DPP3: variants seen among roughly 807,000 people sequenced by gnomAD.
DPP3 encodes the protein DPP III.
In DPP3, 64 loss-of-function variants were observed where a neutral mutation model predicts 89.8. That is an observed-to-expected ratio of 0.71 (90% CI 0.58 to 0.88). The LOEUF (loss-of-function observed/expected upper bound fraction) is 0.88. Among genes scored for constraint, DPP3 ranks in the 40% least tolerant of loss-of-function variants. The probability of loss-of-function intolerance (pLI) is 0.00; values close to 1 mark genes in which losing one functional copy is unlikely to be tolerated. For synonymous variants in DPP3, 377 were observed against 404.3 expected, an observed-to-expected ratio of 0.93 and a Z score of 0.81; for missense variants, 835 against 972.5, an observed-to-expected ratio of 0.86 and a Z score of 1.88.
Position 66,482,394 on chromosome 11 carries a change from G to T in DPP3, c.194G>T (p.Arg65Leu), listed in dbSNP as rs202184719. Residue 65 changes from arginine (R) to leucine (L), a missense_variant, in exon 2 of 18, where the codon CGC becomes CTC. Coordinates refer to ENST00000531863, the MANE Select transcript of DPP3 (RefSeq NM_130443.4). Reference sequence around the variant, plus strand: ...CCCTACATCTATGCTCTGCTCAGCCGCCTCTTCCGCGCCCAGGACCCCGAC... The same window carrying T: ...CCCTACATCTATGCTCTGCTCAGCCTCCTCTTCCGCGCCCAGGACCCCGAC... ...EAPYIYALLS[R>L]LFRAQDPDQL... The T allele has an allele frequency of 3.1e-6, 5 of 1,610,994 alleles. No homozygotes were observed. The highest frequency in any genetic ancestry group is 1.3e-5 in the African/African-American group (1 of 74,908).
At chr11:66,506,677 T>G (rs11227502) in intron 17 of DPP3, among the ~76,000 whole-genome samples, 36,871 of 151,896 alleles carry the variant, frequency 0.24, 4,724 homozygotes, top group East Asian at 0.27. Flanking sequence ...TGTACTCCAG[T>G]CTCCCGACCT....
intron 17 of DPP3, among the ~76,000 whole-genome samples, chr11:66,507,115 C>T (rs545704806): frequency 1.2e-4 from 18 of 152,154 alleles, no homozygotes; most frequent in African/African-American, 2.4e-4. Context: ...ATGGGGGAGC[C>T]ACTAGGGATC....
intron 15 of DPP3, among the ~76,000 whole-genome samples, chr11:66,496,304 T>C (rs551424634): frequency 2.6e-5 from 4 of 152,336 alleles, no homozygotes; most frequent in Non-Finnish European, 4.4e-5. Context: ...TGGAGTGCAG[T>C]GGCCGGATCT....
chr11:66,505,695 T>G (rs957856765), intron 17 of DPP3, among the ~76,000 whole-genome samples: 6 of 150,538 alleles, frequency 4.0e-5, no homozygotes, highest in Non-Finnish European at 8.9e-5. Flanking sequence ...AAATTAAGAG[T>G]GGTTGAGTCA....
rs541325669 is a variant in DPP3 at position 66,486,604 on chromosome 11, G to A, written c.425G>A (p.Gly142Asp). The A allele has an allele frequency of 1.9e-6, 3 of 1,586,736 alleles. No homozygotes were observed. Among genetic ancestry groups the A allele is most frequent in the Admixed American group, 3.5e-5 (2 of 57,106 alleles). ...AAQQHPEEVR[G>D]LWQTCGELMF... is the part of the protein sequence containing the mutation. ...CAGCAGCACCCAGAAGAAGTCAGGG[G>A]CCTCTGGCAGACCTGCGGGGAGCTT... Residue 142 changes from glycine (G) to aspartate (D), a missense_variant, in exon 4 of 18, where the codon GGC becomes GAC. Transcript: ENST00000531863.
intron 16 of DPP3, 104 bp from the exon 17 acceptor site, chr11:66,504,508 C>T: frequency 7.5e-7 from 1 of 1,332,220 alleles, no homozygotes; most frequent in South Asian, 1.7e-5. Context: ...CAAACCATAG[C>T]ACAGACTGTC....
intron 15 of DPP3, among the ~76,000 whole-genome samples, chr11:66,496,614 C>T (rs948385357): frequency 1.3e-5 from 2 of 152,136 alleles, no homozygotes; most frequent in Non-Finnish European, 2.9e-5. Context: ...TGGGGTTTCA[C>T]CGTGTTAGCC....
intron 6 of DPP3, 45 bp from the exon 7 acceptor site, chr11:66,491,208 C>T (rs760745247): frequency 6.2e-7 from 1 of 1,610,474 alleles, no homozygotes; most frequent in Non-Finnish European, 8.5e-7. Flanking sequence ...TGAGTGAGGC[C>T]TCTTACTCCA....
intron 6 of DPP3, among the ~76,000 whole-genome samples, 194 bp downstream of exon 6, chr11:66,488,201 C>CT (rs767485646): frequency 1.3e-5 from 2 of 152,190 alleles, no homozygotes; most frequent in Non-Finnish European, 2.9e-5. Flanking sequence ...TCCCTGAGGG[C>CT]TGGCAAGGGA....
At chr11:66,482,039 C>A in intron 1 of DPP3, 154 bp from the exon 2 acceptor site, 1 of 1,160,744 alleles carries the variant, frequency 8.6e-7, no homozygotes, top group Non-Finnish European at 1.2e-6. Context: ...CTCACCTTCT[C>A]TAAGCCTCAG....
chr11:66,496,481 C>CT (rs1855539997), intron 15 of DPP3, among the ~76,000 whole-genome samples: 2 of 151,694 alleles, frequency 1.3e-5, no homozygotes, highest in Admixed American at 1.3e-4. Context: ...GTGGCACCAT[C>CT]TTGGCTCACT....
intron 16 of DPP3, among the ~76,000 whole-genome samples, chr11:66,498,022 T>C (rs1264530490): frequency 6.6e-6 from 1 of 151,558 alleles, no homozygotes; most frequent in Non-Finnish European, 1.5e-5. Context: ...TGTAACCTTC[T>C]CCTGGGTTCA....
intron 16 of DPP3, among the ~76,000 whole-genome samples, chr11:66,500,140 G>A (rs766097156): frequency 1.3e-5 from 2 of 152,118 alleles, no homozygotes; most frequent in African/African-American, 2.4e-5. Flanking sequence ...GATCACTTGA[G>A]GTAAGGAGTT....
At chr11:66,485,097 C>T (rs1395563283) in intron 2 of DPP3, 76 bp from the exon 3 acceptor site, 21 of 1,382,398 alleles carry the variant, frequency 1.5e-5, no homozygotes, top group East Asian at 9.2e-5. Flanking sequence ...CTGGGGCATT[C>T]GCATCTCAGG....
chr11:66,501,968 T>A (rs976875154), intron 16 of DPP3, among the ~76,000 whole-genome samples: 1 of 151,922 alleles, frequency 6.6e-6, no homozygotes, highest in Non-Finnish European at 1.5e-5. Flanking sequence ...GAGGCCAAGA[T>A]GGGCAGATCA....
chr11:66,499,833 G>T (rs1855635473), intron 16 of DPP3, among the ~76,000 whole-genome samples: 1 of 151,460 alleles, frequency 6.6e-6, no homozygotes, highest in African/African-American at 2.4e-5. Flanking sequence ...GCGTTATTTT[G>T]TTACAGGTGT....
rs769338453 is a variant in DPP3, at chr11:66,491,310, G to A, written c.725G>A (p.Ser242Asn). The A allele has an allele frequency of 6.2e-7, 1 of 1,614,050 alleles. No individual in the cohort carries two copies. The change falls in exon 7 of 18, where the codon AGC becomes AAC. Residue 242 changes from serine (S) to asparagine (N), a missense_variant. Transcript: ENST00000531863. ...SKLKSYEFRG[S>N]PFQVTRGDYA... ...CTGAAGAGCTATGAATTCCGGGGAA[G>A]CCCTTTCCAGGTGACCCGGGGGGAC...
intron 2 of DPP3, among the ~76,000 whole-genome samples, chr11:66,484,846 GGT>G (rs1273497696): frequency 2.0e-5 from 3 of 152,180 alleles, no homozygotes; most frequent in African/African-American, 7.2e-5. Context: ...GAAAGAGGGA[GGT>G]GCTGCTGGAA....
intron 16 of DPP3, among the ~76,000 whole-genome samples, chr11:66,500,023 C>T (rs528255605): frequency 6.6e-6 from 1 of 152,098 alleles, no homozygotes; most frequent in East Asian, 1.9e-4. Flanking sequence ...TATATGGGGA[C>T]TACTGTACTG....
Sources: gnomAD v4.1 joint callset for allele counts (sites outside exome capture counted in the v4.1 genomes callset) on GRCh38, gnomAD v4.1.1 for gene constraint, MANE v1.5 for transcripts, NCBI Gene and HGNC (gene_info 2026-07-23, HGNC 2026-07-21) for gene names.